Variants in RUNDC3B observed in about 807,000 individuals in gnomAD.
RUNDC3B encodes the protein RUN domain containing 3B.
A neutral mutation model predicts 58.4 loss-of-function variants in RUNDC3B; 33 were observed. The ratio of observed to expected loss-of-function variants is 0.56; its 90% CI spans 0.43 to 0.75. The LOEUF is 0.75. Among genes scored for constraint, RUNDC3B ranks in the 30% least tolerant of loss-of-function variants. The pLI, the probability that RUNDC3B is intolerant of heterozygous loss-of-function variation, is 0.00. For synonymous variants in RUNDC3B, 193 were observed against 195.2 expected (o/e 0.99, Z 0.10); for missense variants, 501 against 535.7 (o/e 0.94, Z 0.64).
chr7:87,693,874 T>C, intron 2 of RUNDC3B: 1 of 1,596,002 alleles, frequency 6.3e-7, no homozygotes. Flanking sequence ...TTCTTAAATA[T>C]CTGTGTGTTG....
At chr7:87,676,427 G>A (rs138661878) in intron 2 of RUNDC3B, among the ~76,000 whole-genome samples, 4 of 152,034 alleles carry the variant, frequency 2.6e-5, no homozygotes, top group East Asian at 1.9e-4. Context: ...GAGGCCAGGC[G>A]CAGTGGCTCA....
chr7:87,810,742 ATTAG>A (rs1836671742), intron 9 of RUNDC3B, among the ~76,000 whole-genome samples: 1 of 152,210 alleles, frequency 6.6e-6, no homozygotes, highest in South Asian at 2.1e-4. Flanking sequence ...ACCTGGCAAG[ATTAG>A]TTAGACCCGG....
In RUNDC3B at chr7:87,650,869, A is replaced by G. The variant is rs1823505785; in HGVS notation, c.170A>G (p.Asp57Gly). ...GATCGGTCTTGCTTTGAGACAATTG[A>G]TGATTCTTCTCCTGAATTTAACAAT... ...LIDRSCFETI[D>G]DSSPEFNNFA... The change falls in exon 2 of 11, where the codon GAT becomes GGT. Residue 57 changes from aspartate to glycine, a missense_variant. Transcript: ENST00000394654. The G allele has an allele frequency of 3.1e-6, 5 of 1,613,018 alleles. No individual in the cohort carries two copies. The highest frequency in any genetic ancestry group is 3.4e-6 in the Non-Finnish European group (4 of 1,179,308).
At chr7:87,744,105 G>T (rs188698927) in intron 6 of RUNDC3B, among the ~76,000 whole-genome samples, 1 of 151,958 alleles carries the variant, frequency 6.6e-6, no homozygotes. Context: ...TTGCTTTGTC[G>T]TAGATCAGTT....
rs373115764 is a variant in RUNDC3B, at chr7:87,650,819, T to C, written c.123-3T>C. On this transcript the variant is annotated splice_region_variant and splice_polypyrimidine_tract_variant and intron_variant, in intron 1 of 10. Transcript: ENST00000394654. ...AAAAGCAACAATAATCTTTTTTTCATAGGTTTTCTGTGAAGACCCTGATTG... is the reference window on the plus strand; with the variant it reads ...AAAAGCAACAATAATCTTTTTTTCACAGGTTTTCTGTGAAGACCCTGATTG... 2 of 1,571,322 alleles carry C rather than the reference T, an allele frequency of 1.3e-6. No homozygotes were observed. The highest frequency in any genetic ancestry group is 2.7e-5 in the African/African-American group (2 of 74,064).
chr7:87,740,586 G>A (rs1221946096), intron 5 of RUNDC3B, among the ~76,000 whole-genome samples: 1 of 152,026 alleles, frequency 6.6e-6, no homozygotes, highest in Non-Finnish European at 1.5e-5. Flanking sequence ...GAAAATTCAG[G>A]AATATTAACA....
At chr7:87,761,891 A>G (rs1833708534) in intron 6 of RUNDC3B, among the ~76,000 whole-genome samples, 1 of 151,780 alleles carries the variant, frequency 6.6e-6, no homozygotes, top group South Asian at 2.1e-4. Flanking sequence ...TATATTTCCC[A>G]GTTCTTTAAC....
intron 4 of RUNDC3B, among the ~76,000 whole-genome samples, chr7:87,711,100 G>T (rs1198182666): frequency 1.3e-5 from 2 of 152,072 alleles, no homozygotes; most frequent in African/African-American, 2.4e-5. Context: ...GCCGAGGCTG[G>T]CAGATCACCT....
intron 10 of RUNDC3B, among the ~76,000 whole-genome samples, chr7:87,816,608 A>C (rs566013782): frequency 9.2e-5 from 14 of 152,178 alleles, no homozygotes; most frequent in Non-Finnish European, 1.8e-4. Context: ...ATCTTATTCC[A>C]TTAAACTTCT....
intron 2 of RUNDC3B, among the ~76,000 whole-genome samples, chr7:87,693,180 G>GA (rs199701000): frequency 0.031 from 4,773 of 152,200 alleles, 73 homozygotes; most frequent in Middle Eastern, 0.048. Flanking sequence ...AGCAATTTCT[G>GA]AAAAATATAG....
At chr7:87,733,118 C>A (rs1563170121) in intron 4 of RUNDC3B, among the ~76,000 whole-genome samples, 1 of 150,512 alleles carries the variant, frequency 6.6e-6, no homozygotes. Context: ...CCTATCTTAT[C>A]CATATGGACA....
intron 6 of RUNDC3B, among the ~76,000 whole-genome samples, chr7:87,764,229 C>T (rs1462992022): frequency 6.6e-6 from 1 of 151,792 alleles, no homozygotes; most frequent in East Asian, 1.9e-4. Flanking sequence ...TGTGGTAAGA[C>T]ATGTGTAAGA....
At chr7:87,810,353 C>T (rs529050309) in intron 9 of RUNDC3B, among the ~76,000 whole-genome samples, 3 of 152,214 alleles carry the variant, frequency 2.0e-5, no homozygotes, top group East Asian at 3.9e-4. Flanking sequence ...AAGCAAATAC[C>T]TTATTTAGCA....
intron 2 of RUNDC3B, chr7:87,693,828 G>A (rs1828233053): frequency 1.5e-6 from 2 of 1,347,808 alleles, no homozygotes; most frequent in African/African-American, 2.9e-5. Context: ...TCTTAGTTGG[G>A]CTATTCAGTT....
chr7:87,800,997 A>AT (rs1354851727), intron 8 of RUNDC3B, among the ~76,000 whole-genome samples: 1 of 152,072 alleles, frequency 6.6e-6, no homozygotes, highest in African/African-American at 2.4e-5. Context: ...TTTATACAAT[A>AT]TTTTTTATAA....
At chr7:87,698,266 A>AT (rs1404515005) in intron 2 of RUNDC3B, among the ~76,000 whole-genome samples, 4 of 151,920 alleles carry the variant, frequency 2.6e-5, no homozygotes, top group Non-Finnish European at 5.9e-5. Context: ...TGCCCGGCTA[A>AT]TTTCTTTGCA....
intron 6 of RUNDC3B, among the ~76,000 whole-genome samples, chr7:87,751,791 G>A (rs1406256360): frequency 2.0e-5 from 3 of 152,156 alleles, no homozygotes; most frequent in Non-Finnish European, 2.9e-5. Context: ...AGACAATGGG[G>A]TTTTCTAGAC....
intron 6 of RUNDC3B, among the ~76,000 whole-genome samples, chr7:87,755,156 G>A (rs1833294862): frequency 6.6e-6 from 1 of 151,760 alleles, no homozygotes; most frequent in South Asian, 2.1e-4. Flanking sequence ...CCGAGTAGCT[G>A]GGACTACAAG....
intron 4 of RUNDC3B, among the ~76,000 whole-genome samples, chr7:87,735,884 TAGAG>T (rs572683326): frequency 1.6e-4 from 24 of 152,334 alleles, no homozygotes; most frequent in Middle Eastern, 3.4e-3. Flanking sequence ...ATATGCTTCA[TAGAG>T]AGGATCTAAA....
Sources: gnomAD v4.1 joint callset for allele counts (sites outside exome capture counted in the v4.1 genomes callset) on GRCh38, gnomAD v4.1.1 for gene constraint, MANE v1.5 for transcripts, NCBI Gene and HGNC (gene_info 2026-07-23, HGNC 2026-07-21) for gene names.